The following XCL1 variants were observed in gnomAD, a reference collection of about 807,000 sequenced individuals.
XCL1 encodes the protein X-C motif chemokine ligand 1, also known as lymphotactin.
XCL1 carries 6 observed loss-of-function variants against 7.4 expected under a neutral mutation model. The observed-to-expected ratio is 0.82, with a 90% confidence interval of 0.45 to 1.61. The LOEUF (loss-of-function observed/expected upper bound fraction) is 1.61, where lower values mean the gene tolerates loss of function less well. Ranked by LOEUF, XCL1 falls within the 40% of genes most tolerant of loss-of-function variation. The probability of loss-of-function intolerance (pLI) is 0.01; values close to 1 mark genes in which losing one functional copy is unlikely to be tolerated. For missense variants in XCL1, 122 were observed against 138.2 expected, an observed-to-expected ratio of 0.88 and a Z score of 0.59; for synonymous variants, 48 against 52.4, an observed-to-expected ratio of 0.92 and a Z score of 0.36.
intron 2 of XCL1, among the ~76,000 whole-genome samples, chr1:168,580,424 G>GT (rs781033854): frequency 3.3e-5 from 5 of 152,228 alleles, no homozygotes; most frequent in Admixed American, 6.5e-5. Flanking sequence ...TAGTGGAAGA[G>GT]TCTGTTGAAT....
At chr1:168,578,761 A>G in intron 1 of XCL1, 1 of 458,118 alleles carries the variant, frequency 2.2e-6, no homozygotes, top group Non-Finnish European at 4.2e-6. Context: ...CCGTCATTGT[A>G]ATTTGTCCTG....
chr1:168,578,699 G>T (rs1365473598), intron 1 of XCL1: 3 of 327,934 alleles, frequency 9.1e-6, no homozygotes, highest in East Asian at 1.1e-4. Flanking sequence ...TTTCCAGCTT[G>T]GCATTGTGAG....
chr1:168,578,572 A>G (rs139743653), intron 1 of XCL1: 72 of 201,474 alleles, frequency 3.6e-4, no homozygotes, highest in Middle Eastern at 1.8e-3. Context: ...CCTTTTATAT[A>G]TATCTTACCT....
chr1:168,581,308 A>G lies in XCL1; in HGVS notation c.*88A>G, dbSNP rs1324160930. Reference sequence around the variant, plus strand: ...CTGAGTTTATACTCACCTTTTATGAAAGCACTGCATGAATAAAATTATTCC... The same window carrying G: ...CTGAGTTTATACTCACCTTTTATGAGAGCACTGCATGAATAAAATTATTCC... On this transcript the variant is annotated 3_prime_UTR_variant, in exon 3 of 3. Transcript: ENST00000367818. 3 of 1,494,744 alleles carry G rather than the reference A, an allele frequency of 2.0e-6. No homozygotes were observed. The African/African-American group carries it at 4.2e-5, about 21-fold the overall frequency. 92.6% of individuals were successfully genotyped at this position (1,494,744 alleles called of 1,614,324 possible).
intron 1 of XCL1, chr1:168,578,691 T>A (rs1655083693): frequency 3.1e-6 from 1 of 321,270 alleles, no homozygotes; most frequent in South Asian, 3.1e-5. Context: ...CTTTGCTATT[T>A]CCAGCTTGGC....
chr1:168,577,189 G>T (rs534302489), intron 1 of XCL1, among the ~76,000 whole-genome samples: 1 of 140,476 alleles, frequency 7.1e-6, no homozygotes, highest in Non-Finnish European at 1.6e-5. Flanking sequence ...CAGTTACAAT[G>T]TGGGGATGCA....
Position 168,580,136 on chromosome 1 carries a change from C to G in XCL1, c.135C>G (p.Ile45Met). 2 of 1,613,866 alleles carry G rather than the reference C, an allele frequency of 1.2e-6. No homozygotes were observed. Among genetic ancestry groups the G allele is most frequent in the Non-Finnish European group, 1.7e-6 (2 of 1,179,832 alleles). Residue 45 changes from isoleucine (I) to methionine (M), a missense_variant, in exon 2 of 3, where the codon ATC becomes ATG. Physicochemically the swap from Ile to Met is conservative, Grantham distance 10 (BLOSUM62 1). Transcript: ENST00000367818. ...LTTQRLPVSR[I>M]KTYTITEGSL... ...CCCAGCGACTGCCGGTTAGCAGAAT[C>G]AAGACCTACACCATCACGGAAGGCT...
In XCL1 at chr1:168,581,691, T is replaced by C. The variant is rs1399243290; in HGVS notation, c.*471T>C. The stretch of plus-strand genomic sequence containing the variant: ...TAGAATAAGGGAGAAAATAATCCAG[T>C]CTTCACTGGGTTCCCATTCTGAGGG... On this transcript the variant is annotated 3_prime_UTR_variant, in exon 3 of 3. Transcript: ENST00000367818. 2 of 152,270 alleles carry C rather than the reference T, an allele frequency of 1.3e-5. No individual in the cohort carries two copies. The highest frequency in any genetic ancestry group is 4.8e-5 in the African/African-American group (2 of 41,462). The allele number at this position is 152,270 out of a possible 1,614,324, so 9.4% of individuals were successfully genotyped here.
intron 1 of XCL1, chr1:168,579,139 C>G: frequency 2.4e-6 from 1 of 409,890 alleles, no homozygotes; most frequent in African/African-American, 2.1e-5. Flanking sequence ...ACTTGTGGAT[C>G]AGCTTAAGTG....
At chr1:168,577,530 A>G (rs761450931) in intron 1 of XCL1, among the ~76,000 whole-genome samples, 1 of 152,152 alleles carries the variant, frequency 6.6e-6, no homozygotes, top group Non-Finnish European at 1.5e-5. Flanking sequence ...CTATGACTGG[A>G]GTGAATCTGT....
intron 1 of XCL1, chr1:168,578,900 A>G (rs1655087912): frequency 2.9e-6 from 1 of 340,792 alleles, no homozygotes; most frequent in Admixed American, 4.2e-5. Context: ...GCATTAAGGG[A>G]CCCCCCATTT....
chr1:168,581,041 T>C lies in XCL1; in HGVS notation c.177-11T>C. 2 of 1,613,030 alleles carry C rather than the reference T, an allele frequency of 1.2e-6. No individual in the cohort carries two copies. Among genetic ancestry groups the C allele is most frequent in the Non-Finnish European group, 1.7e-6 (2 of 1,179,200 alleles). On this transcript the variant is annotated splice_polypyrimidine_tract_variant and intron_variant, in intron 2 of 2. Transcript: ENST00000367818. ...GTGGCTAACTTCGTCTGTCTTTTCC[T>C]TGCGTTACAGTTTTATTACCAAACG...
intron 1 of XCL1, among the ~76,000 whole-genome samples, chr1:168,577,665 TA>T (rs1655053750): frequency 6.6e-6 from 1 of 152,092 alleles, no homozygotes; most frequent in Non-Finnish European, 1.5e-5. Flanking sequence ...AAATTATGGA[TA>T]AAACAAAAAA....
intron 1 of XCL1, chr1:168,578,625 T>C (rs1572578086): frequency 4.9e-6 from 1 of 202,298 alleles, no homozygotes; most frequent in African/African-American, 2.4e-5. Context: ...ATTATTTTTA[T>C]GTACAGAAAA....
intron 1 of XCL1, 118 bp from the exon 2 acceptor site, chr1:168,579,945 A>G (rs1458036313): frequency 4.7e-6 from 5 of 1,064,214 alleles, no homozygotes; most frequent in East Asian, 2.7e-5. Context: ...TCTTCCCCCA[A>G]AAAGCAAATG....
At chr1:168,578,058 CCACTT>C (rs918227961) in intron 1 of XCL1, among the ~76,000 whole-genome samples, 1 of 152,134 alleles carries the variant, frequency 6.6e-6, no homozygotes, top group Non-Finnish European at 1.5e-5. Context: ...TCTTAGGAGT[CCACTT>C]CAGATACTTC....
In XCL1 at chr1:168,581,441, A is replaced by T. The variant is rs896194905; in HGVS notation, c.*221A>T. Reference sequence around the variant, plus strand: ...TAGTCTATTCATTATATTTAGGGAAAGGTAGTGTATCATTGTTGTTTGATT... The same window carrying T: ...TAGTCTATTCATTATATTTAGGGAATGGTAGTGTATCATTGTTGTTTGATT... On this transcript the variant is annotated 3_prime_UTR_variant, in exon 3 of 3. Transcript: ENST00000367818. 3 of 451,208 alleles carry T rather than the reference A, an allele frequency of 6.6e-6. No homozygotes were observed. The highest frequency in any genetic ancestry group is 8.2e-5 in the Admixed American group (2 of 24,364). The allele number at this position is 451,208 out of a possible 1,614,324, so 28.0% of individuals were successfully genotyped here.
intron 2 of XCL1, among the ~76,000 whole-genome samples, chr1:168,580,548 CT>C (rs375623258): frequency 7.4e-4 from 112 of 152,164 alleles, no homozygotes; most frequent in Middle Eastern, 3.4e-3. Context: ...GAGTCCCATA[CT>C]TTTATCAGTT....
intron 1 of XCL1, among the ~76,000 whole-genome samples, chr1:168,578,476 C>G (rs1472540668): frequency 6.6e-6 from 1 of 152,178 alleles, no homozygotes; most frequent in African/African-American, 2.4e-5. Context: ...TATTTTTCCT[C>G]TTGCAATGTA....
Sources: gnomAD v4.1 joint callset for allele counts (sites outside exome capture counted in the v4.1 genomes callset) on GRCh38, gnomAD v4.1.1 for gene constraint, MANE v1.5 for transcripts, NCBI Gene and HGNC (gene_info 2026-07-23, HGNC 2026-07-21) for gene names.